ASCC1: variants seen among roughly 807,000 people sequenced by gnomAD.
ASCC1 encodes the protein activating signal cointegrator 1 complex subunit 1.
Under a neutral mutation model 46.6 loss-of-function variants are expected in ASCC1, and 35 were observed. The ratio of observed to expected loss-of-function variants is 0.75; its 90% CI spans 0.57 to 0.99. The LOEUF is 0.99. Among genes scored for constraint, ASCC1 ranks in the 50% least tolerant of loss-of-function variants. ASCC1 has a pLI of 0.00. For synonymous variants in ASCC1, 143 were observed against 146.6 expected, an observed-to-expected ratio of 0.98 and a Z score of 0.18; for missense variants, 376 against 428.7, an observed-to-expected ratio of 0.88 and a Z score of 1.09.
chr10:72,148,027 A>G (rs558454201), intron 7 of ASCC1, among the ~76,000 whole-genome samples: 1 of 152,310 alleles, frequency 6.6e-6, no homozygotes, highest in East Asian at 1.9e-4. Flanking sequence ...AATGGTGCAA[A>G]AGCAATAGTA....
chr10:72,132,932 A>G (rs919130833), intron 8 of ASCC1, 125 bp downstream of exon 8: 48 of 1,217,766 alleles, frequency 3.9e-5, no homozygotes, highest in Admixed American at 1.8e-4. Context: ...GCTCATCAGA[A>G]TAAGCTAAGA....
chr10:72,112,059 G>T lies in ASCC1; in HGVS notation c.958-14609C>A, dbSNP rs1842977711. Among the ~76,000 whole-genome samples the T allele has an allele frequency of 2.0e-5, 3 of 152,256 alleles. No homozygotes were observed. The South Asian group carries it at 6.2e-4, about 32-fold the overall frequency. ...TTTGGAATAACACTTAGCCATTGTTGATACAAAGCCCCCGAAACTAAAACG... is the reference window on the plus strand; with the variant it reads ...TTTGGAATAACACTTAGCCATTGTTTATACAAAGCCCCCGAAACTAAAACG... On this transcript the variant is annotated intron_variant, in intron 9 of 9. Transcript: ENST00000672957.
chr10:72,167,963 G>T (rs892705081), intron 5 of ASCC1, among the ~76,000 whole-genome samples: 5 of 152,152 alleles, frequency 3.3e-5, no homozygotes, highest in South Asian at 4.1e-4. Context: ...GGCCGAGGCA[G>T]GGGGATCACG....
At chr10:72,148,526 G>A (rs1367002923) in intron 7 of ASCC1, among the ~76,000 whole-genome samples, 2 of 152,142 alleles carry the variant, frequency 1.3e-5, no homozygotes, top group Non-Finnish European at 2.9e-5. Flanking sequence ...AGTATTTGGT[G>A]CCAATATTAA....
At chr10:72,178,677 C>G (rs1852170323) in intron 5 of ASCC1, among the ~76,000 whole-genome samples, 1 of 152,138 alleles carries the variant, frequency 6.6e-6, no homozygotes, top group African/African-American at 2.4e-5. Context: ...ACTGGGTCTT[C>G]CGACCTGCAG....
Position 72,210,778 on chromosome 10 carries a change from G to A in ASCC1, c.166C>T (p.Pro56Ser), listed in dbSNP as rs767598186. Reference protein sequence around the residue: ...PCDAYEVEQTPQGFRSTLRAP... With the variant: ...PCDAYEVEQTSQGFRSTLRAP... ...CTCAAAGTAGACCGGAATCCTTGTG[G>A]GGTCTGCTCCACCTCGTAGGCATCA... The change falls in exon 3 of 10, where the codon CCA becomes TCA. Residue 56 changes from proline to serine, a missense_variant. Transcript: ENST00000672957. 1.9e-6 allele frequency: 3 copies of A among 1,613,968 alleles called. No homozygotes were observed. The South Asian group carries it at 3.3e-5, about 18-fold the overall frequency.
chr10:72,130,558 TAA>T (rs1845467395), intron 8 of ASCC1, among the ~76,000 whole-genome samples: 1 of 152,164 alleles, frequency 6.6e-6, no homozygotes. Flanking sequence ...CTTCCTGTGT[TAA>T]GAGATTAGTT....
At chr10:72,100,486 CA>C (rs1277843524) in intron 9 of ASCC1, among the ~76,000 whole-genome samples, 1 of 152,146 alleles carries the variant, frequency 6.6e-6, no homozygotes, top group East Asian at 1.9e-4. Flanking sequence ...CTTGGCCTCT[CA>C]AAGTGCTGGG....
intron 9 of ASCC1, among the ~76,000 whole-genome samples, chr10:72,107,985 C>T (rs1842526398): frequency 6.6e-6 from 1 of 151,728 alleles, no homozygotes; most frequent in Admixed American, 6.6e-5. Context: ...TTTGATTAAA[C>T]TTCCCTCTTA....
At chr10:72,148,471 T>A (rs1157810961) in intron 7 of ASCC1, among the ~76,000 whole-genome samples, 1 of 152,288 alleles carries the variant, frequency 6.6e-6, no homozygotes, top group Admixed American at 6.5e-5. Context: ...CCTAGCTGTT[T>A]GGCAGACATT....
intron 7 of ASCC1, among the ~76,000 whole-genome samples, chr10:72,149,234 C>G (rs1425793126): frequency 6.6e-6 from 1 of 151,572 alleles, no homozygotes; most frequent in Admixed American, 6.6e-5. Context: ...GTCAGGAGAT[C>G]AAGACCATCC....
intron 9 of ASCC1, among the ~76,000 whole-genome samples, chr10:72,123,430 C>T (rs1189182962): frequency 2.6e-5 from 4 of 151,628 alleles, no homozygotes; most frequent in South Asian, 2.1e-4. Context: ...ATGTAAACGG[C>T]GGACCATGGG....
At chr10:72,163,359 A>C (rs1303493350) in intron 5 of ASCC1, among the ~76,000 whole-genome samples, 1 of 152,222 alleles carries the variant, frequency 6.6e-6, no homozygotes, top group African/African-American at 2.4e-5. Flanking sequence ...AGATGGAAAT[A>C]ACCCAAATGT....
intron 2 of ASCC1, among the ~76,000 whole-genome samples, chr10:72,211,312 C>T (rs1858072915): frequency 6.6e-6 from 1 of 152,128 alleles, no homozygotes; most frequent in African/African-American, 2.4e-5. Flanking sequence ...TCAAAGGTTT[C>T]TATATACAGT....
At chr10:72,118,167 A>T (rs2132100741) in intron 9 of ASCC1, among the ~76,000 whole-genome samples, 1 of 152,092 alleles carries the variant, frequency 6.6e-6, no homozygotes, top group East Asian at 1.9e-4. Context: ...GGAGATCGAG[A>T]CCATCCTGGC....
intron 5 of ASCC1, among the ~76,000 whole-genome samples, chr10:72,189,596 A>G (rs1417454422): frequency 1.3e-5 from 2 of 151,958 alleles, no homozygotes; most frequent in African/African-American, 4.8e-5. Flanking sequence ...TGAGGTCAGG[A>G]GTTTGAGACC....
chr10:72,154,308 G>T (rs1004705368), intron 6 of ASCC1, among the ~76,000 whole-genome samples: 1 of 152,060 alleles, frequency 6.6e-6, no homozygotes, highest in African/African-American at 2.4e-5. Flanking sequence ...TGGGCAAAAG[G>T]CTGGGGGAAA....
intron 9 of ASCC1, among the ~76,000 whole-genome samples, chr10:72,122,031 T>C (rs1409227208): frequency 2.6e-5 from 4 of 152,174 alleles, no homozygotes; most frequent in Admixed American, 2.0e-4. Context: ...TTTAAAAGAA[T>C]AGAATCATAC....
rs571078230 is a variant in ASCC1, at chr10:72,210,442, G to T, written c.212+290C>A. ...CCCGAAGTGCTGGGATTACAGGCGT[G>T]AGCCACCGCACCTGGCCGAAACCTC... is the stretch of plus-strand genomic sequence containing the variant. On this transcript the variant is annotated intron_variant, in intron 3 of 9. Coordinates refer to ENST00000672957, the MANE Select transcript of ASCC1 (RefSeq NM_001198800.3). Among the ~76,000 whole-genome samples, 9 of 152,232 alleles carry T rather than the reference G, an allele frequency of 5.9e-5. No homozygotes were observed. In the East Asian group the frequency reaches 1.5e-3, roughly 26 times the overall value.
Sources: gnomAD v4.1 joint callset for allele counts (sites outside exome capture counted in the v4.1 genomes callset) on GRCh38, gnomAD v4.1.1 for gene constraint, MANE v1.5 for transcripts, NCBI Gene and HGNC (gene_info 2026-07-23, HGNC 2026-07-21) for gene names.